Variants in NFIX observed in about 807,000 individuals in gnomAD.
NFIX encodes the protein nuclear factor I X.
A neutral mutation model predicts 53.3 loss-of-function variants in NFIX; 2 were observed. That is an observed-to-expected ratio of 0.04 (90% CI 0.02 to 0.12). The LOEUF (loss-of-function observed/expected upper bound fraction) is 0.12, where lower values mean the gene tolerates loss of function less well. Among genes scored for constraint, NFIX ranks in the 10% least tolerant of loss-of-function variants. NFIX has a pLI of 1.00. For missense variants in NFIX, 310 were observed against 674.5 expected (o/e 0.46, Z 5.99); for synonymous variants, 244 against 289.0 (o/e 0.84, Z 1.58).
chr19:13,063,093 A>G (rs955992385), intron 2 of NFIX, among the ~76,000 whole-genome samples: 3 of 152,160 alleles, frequency 2.0e-5, no homozygotes, highest in African/African-American at 7.2e-5. Flanking sequence ...GGGGGCAGAG[A>G]GAGGTGGTGG....
Position 13,088,247 on chromosome 19 carries a change from A to C in NFIX, c.1402+111A>C. On this transcript the variant is annotated intron_variant, in intron 9 of 10. Transcript: ENST00000592199. This position sits in a 1 kb window ranked among gnomAD's most constrained non-coding sequence, Gnocchi z 5.9. The stretch of plus-strand genomic sequence containing the variant: ...CCCTCCCCACCACCAAAGCCCCCCA[A>C]CCCAGAGCACCATGGACAAGAGCAG... 2.4e-5 allele frequency: 29 copies of C among 1,217,426 alleles called. No individual in the cohort carries two copies. The highest frequency in any genetic ancestry group is 2.8e-5 in the Non-Finnish European group (25 of 891,818). 75.4% of individuals were successfully genotyped at this position (1,217,426 alleles called of 1,614,324 possible). A position where few individuals can be genotyped will look rare whatever the true frequency, so the allele number is the denominator to read the frequency against.
In NFIX at chr19:12,998,884, C is replaced by T. The variant is rs141425882; in HGVS notation, c.27+3020C>T. Among the ~76,000 whole-genome samples, 1 of 152,152 alleles carries T rather than the reference C, an allele frequency of 6.6e-6. No individual in the cohort carries two copies. Among genetic ancestry groups the T allele is most frequent in the Non-Finnish European group, 1.5e-5 (1 of 68,038 alleles). On this transcript the variant is annotated intron_variant, in intron 1 of 10. Coordinates refer to ENST00000592199, the MANE Select transcript of NFIX (RefSeq NM_001365902.3). The surrounding 1 kb of genome is among the most constrained non-coding windows in gnomAD (Gnocchi z 4.4). ...TACCTCTTTGACGCACGTATGGACA[C>T]AGGAAACTGTGGACTTGTGTTCACA...
intron 2 of NFIX, among the ~76,000 whole-genome samples, chr19:13,034,232 T>G (rs1381157071): frequency 6.6e-6 from 1 of 152,152 alleles, no homozygotes; most frequent in Non-Finnish European, 1.5e-5. Flanking sequence ...GAGCCCAGCT[T>G]GCGGCTCAGC....
At chr19:13,035,822 T>C (rs1050737916) in intron 2 of NFIX, among the ~76,000 whole-genome samples, 6 of 152,226 alleles carry the variant, frequency 3.9e-5, no homozygotes, top group African/African-American at 1.4e-4. Flanking sequence ...TTTGGGCTAA[T>C]TGAATTGGCT....
In NFIX at chr19:13,096,472, G is replaced by T. The variant is rs1209611540; in HGVS notation, c.*1823G>T. On this transcript the variant is annotated 3_prime_UTR_variant, in exon 11 of 11. Transcript: ENST00000592199. The stretch of plus-strand genomic sequence containing the variant: ...AGCCACAAGGTGGCTGGCTCCAGGG[G>T]CGGCTTTTGTTGGAAGTTGAGTGAA... 1 of 152,194 alleles carries T rather than the reference G, an allele frequency of 6.6e-6. No homozygotes were observed. Among genetic ancestry groups the T allele is most frequent in the Non-Finnish European group, 1.5e-5 (1 of 68,040 alleles). 9.4% of individuals were successfully genotyped at this position (152,194 alleles called of 1,614,324 possible). A position where few individuals can be genotyped will look rare whatever the true frequency, so the allele number is the denominator to read the frequency against.
At position 13,009,557 on chromosome 19, in the gene NFIX, A is replaced by G. The variant is rs1380915719; in HGVS notation, c.27+13693A>G. Among the ~76,000 whole-genome samples, 1 of 152,094 alleles carries G rather than the reference A, an allele frequency of 6.6e-6. No individual in the cohort carries two copies. The highest frequency in any genetic ancestry group is 1.5e-5 in the Non-Finnish European group (1 of 68,006). On this transcript the variant is annotated intron_variant, in intron 1 of 10. Coordinates refer to ENST00000592199, the MANE Select transcript of NFIX (RefSeq NM_001365902.3). The surrounding 1 kb of genome is among the most constrained non-coding windows in gnomAD (Gnocchi z 4.7). ...TGAGGCTCCTCCTTCTGGCCTTCCC[A>G]TGGGAATTCCCTTCCTATTCCCCAG... is the stretch of plus-strand genomic sequence containing the variant.
In NFIX at chr19:13,078,491, G is replaced by T. The variant is rs1375940448; in HGVS notation, c.956-122G>T. 49 of 1,271,508 alleles carry T rather than the reference G, an allele frequency of 3.9e-5. No individual in the cohort carries two copies. Among genetic ancestry groups the T allele is most frequent in the Non-Finnish European group, 5.3e-5 (49 of 918,958 alleles). The allele number at this position is 1,271,508 out of a possible 1,614,324, so 78.8% of individuals were successfully genotyped here. ...GCAAGGAGCAGCAGGAGGGAGCACA[G>T]TGGAGGAAGGGGCAGTGGGGAGGGG... On this transcript the variant is annotated intron_variant, in intron 6 of 10. Coordinates refer to ENST00000592199, the MANE Select transcript of NFIX (RefSeq NM_001365902.3). This position sits in a 1 kb window ranked among gnomAD's most constrained non-coding sequence, Gnocchi z 4.7.
In NFIX at chr19:13,043,922, C is replaced by T. The variant is rs1258871936; in HGVS notation, c.559+18370C>T. ...GGAGGATCATTTGAGCCCAGGAGTTCGAGCCTGGGCCACGTAGCAAGACCC... is the reference window on the plus strand; with the variant it reads ...GGAGGATCATTTGAGCCCAGGAGTTTGAGCCTGGGCCACGTAGCAAGACCC... On this transcript the variant is annotated intron_variant, in intron 2 of 10. Transcript: ENST00000592199. The surrounding 1 kb of genome is among the most constrained non-coding windows in gnomAD (Gnocchi z 4.0). Among the ~76,000 whole-genome samples, 1 of 151,888 alleles carries T rather than the reference C, an allele frequency of 6.6e-6. No individual in the cohort carries two copies. Among genetic ancestry groups the T allele is most frequent in the Non-Finnish European group, 1.5e-5 (1 of 67,976 alleles).
At position 12,997,569 on chromosome 19, in the gene NFIX, G is replaced by C. The variant is rs111476557; in HGVS notation, c.27+1705G>C. Among the ~76,000 whole-genome samples the C allele has an allele frequency of 6.0e-4, 92 of 152,320 alleles. 1 individual carries two copies. The highest frequency in any genetic ancestry group is 2.1e-3 in the African/African-American group (89 of 41,576). On this transcript the variant is annotated intron_variant, in intron 1 of 10. Coordinates refer to ENST00000592199, the MANE Select transcript of NFIX (RefSeq NM_001365902.3). ...TCACAACAACTGCCTACCCAGCGGT[G>C]TCTGAGCTGGGCCTCTTTGGTGCTA...
Position 13,001,994 on chromosome 19 carries a change from C to T in NFIX, c.27+6130C>T, listed in dbSNP as rs891723004. On this transcript the variant is annotated intron_variant, in intron 1 of 10. Transcript: ENST00000592199. This position sits in a 1 kb window ranked among gnomAD's most constrained non-coding sequence, Gnocchi z 6.5. ...CACAGGCCTCCCTCTGTCTGCCCGG[C>T]GCACATTGATCTTGGCTTCTGCCTG... Among the ~76,000 whole-genome samples the T allele has an allele frequency of 3.3e-5, 5 of 152,184 alleles. No homozygotes were observed. Among genetic ancestry groups the T allele is most frequent in the African/African-American group, 4.8e-5 (2 of 41,446 alleles).
Position 13,039,245 on chromosome 19 carries a change from C to CACACACGT in NFIX, c.559+13693_559+13694insACACACGT, listed in dbSNP as rs146029256. Among the ~76,000 whole-genome samples the CACACACGT allele has an allele frequency of 7.4e-5, 11 of 148,586 alleles. No individual in the cohort carries two copies. The South Asian group carries it at 8.5e-4, about 11-fold the overall frequency. On this transcript the variant is annotated intron_variant, in intron 2 of 10. Coordinates refer to ENST00000592199, the MANE Select transcript of NFIX (RefSeq NM_001365902.3). ...ACCCCCCCCCACACACACACATACA[C>CACACACGT]GTGTGTGTGTGTGTGTAGGGTCTGT...
chr19:13,018,155 T>C (rs1042865648), intron 1 of NFIX, among the ~76,000 whole-genome samples: 12 of 152,142 alleles, frequency 7.9e-5, no homozygotes, highest in African/African-American at 2.9e-4. Flanking sequence ...TCCAGTTGCC[T>C]TAGAGAGAAT....
At chr19:13,010,149 C>T (rs997956302) in intron 1 of NFIX, among the ~76,000 whole-genome samples, 3 of 152,188 alleles carry the variant, frequency 2.0e-5, no homozygotes, top group Non-Finnish European at 4.4e-5. Flanking sequence ...GGAGTTGCCT[C>T]GGCCAAAACC....
chr19:13,053,876 C>T (rs150595798), intron 2 of NFIX, among the ~76,000 whole-genome samples: 1 of 152,146 alleles, frequency 6.6e-6, no homozygotes, highest in Non-Finnish European at 1.5e-5. Context: ...GGGATCACTG[C>T]CCTCCCCCAG....
intron 2 of NFIX, among the ~76,000 whole-genome samples, chr19:13,071,630 G>A (rs758482588): frequency 3.9e-5 from 6 of 152,178 alleles, no homozygotes; most frequent in Non-Finnish European, 5.9e-5. Context: ...TTCTTGACTC[G>A]CTACAATAGT....
intron 2 of NFIX, among the ~76,000 whole-genome samples, chr19:13,050,730 T>A (rs917728543): frequency 6.6e-6 from 1 of 152,144 alleles, no homozygotes; most frequent in Non-Finnish European, 1.5e-5. Flanking sequence ...TATTTGCTTC[T>A]CTGTGACCCA....
chr19:13,032,665 A>C lies in NFIX; in HGVS notation c.559+7113A>C, dbSNP rs961662238. Among the ~76,000 whole-genome samples the C allele has an allele frequency of 3.9e-5, 6 of 152,262 alleles. No individual in the cohort carries two copies. The South Asian group carries it at 1.2e-3, about 32-fold the overall frequency. Reference sequence around the variant, plus strand: ...GGGAGAGGGAGTGAGAGGTTTATAGAGCAGCTAGGTGTCTTCCTGGGAATG... The same window carrying C: ...GGGAGAGGGAGTGAGAGGTTTATAGCGCAGCTAGGTGTCTTCCTGGGAATG... On this transcript the variant is annotated intron_variant, in intron 2 of 10. Transcript: ENST00000592199.
At chr19:13,065,634 T>C (rs1251653139) in intron 2 of NFIX, among the ~76,000 whole-genome samples, 1 of 152,152 alleles carries the variant, frequency 6.6e-6, no homozygotes, top group Non-Finnish European at 1.5e-5. Flanking sequence ...GGTGCTCTGT[T>C]GTGCACCAGG....
chr19:13,067,460 G>A lies in NFIX; in HGVS notation c.560-5587G>A, dbSNP rs1026966725. 7.8e-5 allele frequency among the ~76,000 whole-genome samples: 11 copies of A among 140,648 alleles called. No individual in the cohort carries two copies. The East Asian group carries it at 1.6e-3, about 21-fold the overall frequency. The allele number at this position is 140,648 out of a possible 152,430, so 92.3% of individuals were successfully genotyped here. A position where few individuals can be genotyped will look rare whatever the true frequency, so the allele number is the denominator to read the frequency against. On this transcript the variant is annotated intron_variant, in intron 2 of 10. Coordinates refer to ENST00000592199, the MANE Select transcript of NFIX (RefSeq NM_001365902.3). The surrounding 1 kb of genome is among the most constrained non-coding windows in gnomAD (Gnocchi z 4.2). Reference sequence around the variant, plus strand: ...GTTAGTGGCACCTCCGTGTGTGTGCGCGCGTGTGTGTGTGTGTGTGTGCGT... The same window carrying A: ...GTTAGTGGCACCTCCGTGTGTGTGCACGCGTGTGTGTGTGTGTGTGTGCGT...
Sources: allele counts gnomAD v4.1 joint callset (sites outside exome capture counted in the v4.1 genomes callset), GRCh38; gene constraint gnomAD v4.1.1; non-coding constraint Gnocchi (gnomAD v3.1); transcripts MANE v1.5; gene names NCBI Gene and HGNC (gene_info 2026-07-23, HGNC 2026-07-21).